HADHB: variants seen among roughly 807,000 people sequenced by gnomAD.
The protein encoded by HADHB is trifunctional enzyme subunit beta, mitochondrial.
A neutral mutation model predicts 61.9 loss-of-function variants in HADHB; 50 were observed. That is an observed-to-expected ratio of 0.81 (90% CI 0.64 to 1.02). The LOEUF is 1.02. Among genes scored for constraint, HADHB ranks in the 50% least tolerant of loss-of-function variants. HADHB has a pLI of 0.00. For synonymous variants in HADHB, 191 were observed against 201.6 expected, an observed-to-expected ratio of 0.95 and a Z score of 0.45; for missense variants, 504 against 586.5, an observed-to-expected ratio of 0.86 and a Z score of 1.45.
At chr2:26,261,035 TG>T in intron 3 of HADHB, 1 of 1,517,602 alleles carries the variant, frequency 6.6e-7, no homozygotes, top group Non-Finnish European at 8.8e-7. Context: ...CACTGGTTTC[TG>T]GTTGGCTCCT....
intron 7 of HADHB, among the ~76,000 whole-genome samples, chr2:26,278,060 C>T (rs770394036): frequency 3.9e-5 from 6 of 152,328 alleles, no homozygotes; most frequent in Admixed American, 1.3e-4. Flanking sequence ...ATGTGCTCAT[C>T]TAGTAACATC....
chr2:26,246,985 G>A (rs1464950180), intron 1 of HADHB, among the ~76,000 whole-genome samples: 7 of 152,200 alleles, frequency 4.6e-5, no homozygotes, highest in African/African-American at 1.7e-4. Context: ...CGTCCTATGT[G>A]GTTAAGTAAC....
intron 10 of HADHB, among the ~76,000 whole-genome samples, chr2:26,282,076 A>G (rs1334073486): frequency 2.0e-5 from 3 of 152,124 alleles, no homozygotes; most frequent in East Asian, 3.9e-4. Flanking sequence ...TGCTCGTTAC[A>G]GAATATATAA....
chr2:26,271,654 G>A (rs1672353229), intron 5 of HADHB, among the ~76,000 whole-genome samples: 1 of 152,020 alleles, frequency 6.6e-6, no homozygotes, highest in Admixed American at 6.6e-5. Flanking sequence ...CTACTAGCTA[G>A]GCATGGTGTC....
chr2:26,279,284 C>T lies in HADHB; in HGVS notation c.780C>T (p.Leu260=), dbSNP rs7607527. The T allele has an allele frequency of 1.5e-3, 2,460 of 1,612,892 alleles. 19 individuals are homozygous for T. The African/African-American group carries it at 0.021, about 14-fold the overall frequency. ...SLAKKAQDEG[L]LSDVVPFKVP... The stretch of plus-strand genomic sequence containing the variant: ...CCAAGAAGGCACAGGATGAAGGACT[C>T]CTTTCTGATGTGGTACCCTTCAAAG... Residue 260 remains leucine (L), a synonymous_variant, in exon 9 of 16, where the codon CTC becomes CTT. Transcript: ENST00000317799.
chr2:26,247,552 G>A (rs1204886625), intron 1 of HADHB, among the ~76,000 whole-genome samples: 1 of 152,120 alleles, frequency 6.6e-6, no homozygotes, highest in Non-Finnish European at 1.5e-5. Flanking sequence ...ATTTATATAA[G>A]ATATTGATGT....
Position 26,285,519 on chromosome 2 carries a change from G to A in HADHB, c.1337G>A (p.Arg446Gln), listed in dbSNP as rs368451226. 32 of 1,613,944 alleles carry A rather than the reference G, an allele frequency of 2.0e-5. No individual in the cohort carries two copies. Among genetic ancestry groups the A allele is most frequent in the Non-Finnish European group, 2.6e-5 (31 of 1,179,952 alleles). ...RLVMAAANRLRKEGGQYGLVA... is the reference protein window; with the variant it reads ...RLVMAAANRLQKEGGQYGLVA... The stretch of plus-strand genomic sequence containing the variant: ...GTCATGGCTGCTGCCAACAGATTAC[G>A]GAAAGAAGGAGGCCAGTATGGCTTA... The change falls in exon 15 of 16, where the codon CGG becomes CAG. Residue 446 changes from arginine to glutamine, a missense_variant. Arg to Gln is a conservative substitution (Grantham distance 43). Transcript: ENST00000317799.
chr2:26,285,256 T>C, intron 14 of HADHB, 151 bp from the exon 15 acceptor site: 1 of 687,556 alleles, frequency 1.5e-6, no homozygotes, highest in Non-Finnish European at 2.5e-6. Context: ...AATATTGACC[T>C]AGACTTACTT....
intron 4 of HADHB, among the ~76,000 whole-genome samples, chr2:26,264,553 CAA>C (rs34189488): frequency 5.4e-5 from 4 of 73,720 alleles, no homozygotes; most frequent in East Asian, 5.9e-4. Context: ...GACTCCATCT[CAA>C]AAAAAAAAAA....
chr2:26,280,315 C>T (rs1044752575), intron 10 of HADHB, among the ~76,000 whole-genome samples, 200 bp downstream of exon 10: 1 of 151,840 alleles, frequency 6.6e-6, no homozygotes, highest in African/African-American at 2.4e-5. Flanking sequence ...ATCCAGCCAC[C>T]ATTCTGCCAC....
intron 1 of HADHB, among the ~76,000 whole-genome samples, chr2:26,253,552 G>T (rs1671485773): frequency 6.6e-6 from 1 of 152,066 alleles, no homozygotes; most frequent in African/African-American, 2.4e-5. Context: ...AGACTTCCTA[G>T]GTTCAAATTC....
chr2:26,274,807 T>C (rs941621037), intron 6 of HADHB, among the ~76,000 whole-genome samples: 2 of 152,184 alleles, frequency 1.3e-5, no homozygotes, highest in Non-Finnish European at 2.9e-5. Flanking sequence ...ATAGTAAATT[T>C]TTTTGCTGTT....
intron 6 of HADHB, among the ~76,000 whole-genome samples, chr2:26,276,053 T>C (rs1211716381): frequency 6.6e-6 from 1 of 152,194 alleles, no homozygotes; most frequent in African/African-American, 2.4e-5. Context: ...AGTAAAACTT[T>C]AATATTATAA....
chr2:26,284,207 A>AG lies in HADHB; in HGVS notation c.1149+3_1149+4insG, dbSNP rs1672921668. On this transcript the variant is annotated splice_donor_region_variant and intron_variant, in intron 13 of 15. Transcript: ENST00000317799. The stretch of plus-strand genomic sequence containing the variant: ...TTGAATTTCATGAAGCTTTCTCGGT[A>AG]AGTAATTTGAAAGACACATATGAAG... The AG allele has an allele frequency of 6.8e-7, 1 of 1,475,762 alleles. No homozygotes were observed. Among genetic ancestry groups the AG allele is most frequent in the Non-Finnish European group, 9.5e-7 (1 of 1,054,374 alleles). 91.4% of individuals were successfully genotyped at this position (1,475,762 alleles called of 1,614,324 possible). A position where few individuals can be genotyped will look rare whatever the true frequency, so the allele number is the denominator to read the frequency against.
intron 7 of HADHB, 139 bp downstream of exon 7, chr2:26,277,299 A>G (rs1341570151): frequency 1.7e-6 from 1 of 580,894 alleles, no homozygotes; most frequent in South Asian, 2.1e-5. Flanking sequence ...GTGCAGTGGT[A>G]CCATCATAGC....
chr2:26,276,208 T>C, intron 6 of HADHB, among the ~76,000 whole-genome samples: 1 of 152,240 alleles, frequency 6.6e-6, no homozygotes, highest in South Asian at 2.1e-4. Flanking sequence ...ATGTTTGACT[T>C]TCACTGTGCC....
At chr2:26,262,258 A>G (rs1256627236) in intron 3 of HADHB, among the ~76,000 whole-genome samples, 2 of 152,226 alleles carry the variant, frequency 1.3e-5, no homozygotes, top group Admixed American at 6.5e-5. Flanking sequence ...GAATAATGAT[A>G]GAGTAGGTAA....
intron 1 of HADHB, among the ~76,000 whole-genome samples, chr2:26,251,862 C>A (rs747148604): frequency 2.6e-5 from 4 of 152,140 alleles, no homozygotes; most frequent in Non-Finnish European, 5.9e-5. Flanking sequence ...TTCTGTGTAG[C>A]CAATTACCGC....
chr2:26,285,653 T>A, intron 15 of HADHB, 82 bp downstream of exon 15: 2 of 1,081,170 alleles, frequency 1.8e-6, no homozygotes, highest in Non-Finnish European at 2.7e-6. Flanking sequence ...TTTGAAACCT[T>A]CTTAAAGCAA....
Sources: allele counts gnomAD v4.1 joint callset (sites outside exome capture counted in the v4.1 genomes callset), GRCh38; gene constraint gnomAD v4.1.1; transcripts MANE v1.5; gene names NCBI Gene and HGNC (gene_info 2026-07-23, HGNC 2026-07-21).